TMEM131: variants seen among roughly 807,000 people sequenced by gnomAD.
TMEM131 encodes 2610524E03Rik.
A neutral mutation model predicts 211.6 loss-of-function variants in TMEM131; 66 were observed. The ratio of observed to expected loss-of-function variants is 0.31; its 90% CI spans 0.26 to 0.38. The LOEUF is 0.38. TMEM131 is among the 10% of genes least tolerant of loss of function. The pLI is 1.00. For synonymous variants in TMEM131, 844 were observed against 841.3 expected (o/e 1.00, Z -0.06); for missense variants, 2,036 against 2,299.3 (o/e 0.89, Z 2.34).
chr2:97,815,312 A>G lies in TMEM131; in HGVS notation c.1184-5T>C. Reference sequence around the variant, plus strand: ...ATGGCTTTTTTGCCTTCGATGCTGAAAGGAAGCATAAAAAATAATCTCTGT... The same window carrying G: ...ATGGCTTTTTTGCCTTCGATGCTGAGAGGAAGCATAAAAAATAATCTCTGT... On this transcript the variant is annotated splice_polypyrimidine_tract_variant and splice_region_variant and intron_variant, in intron 12 of 40. Coordinates refer to ENST00000186436, the MANE Select transcript of TMEM131 (RefSeq NM_015348.2). The G allele has an allele frequency of 6.5e-7, 1 of 1,528,048 alleles. No individual in the cohort carries two copies. Among genetic ancestry groups the G allele is most frequent in the South Asian group, 1.3e-5 (1 of 78,414 alleles). The allele number at this position is 1,528,048 out of a possible 1,614,324, so 94.7% of individuals were successfully genotyped here. A position where few individuals can be genotyped will look rare whatever the true frequency, so the allele number is the denominator to read the frequency against.
chr2:97,777,779 T>TGCCCCAGC (rs1173505155), intron 31 of TMEM131, among the ~76,000 whole-genome samples: 72 of 152,260 alleles, frequency 4.7e-4, no homozygotes, highest in African/African-American at 1.4e-3. Context: ...CGTGCCACTG[T>TGCCCCAGC]GCCCCAGCTT....
chr2:97,901,596 T>C (rs1278258360), intron 3 of TMEM131, among the ~76,000 whole-genome samples: 1 of 152,182 alleles, frequency 6.6e-6, no homozygotes, highest in Non-Finnish European at 1.5e-5. Flanking sequence ...GGAATATTAT[T>C]CAGCCATAAA....
chr2:97,960,329 A>G (rs1171138383), intron 1 of TMEM131, among the ~76,000 whole-genome samples: 1 of 152,158 alleles, frequency 6.6e-6, no homozygotes, highest in African/African-American at 2.4e-5. Context: ...TTCTTTGGTA[A>G]TGTCATTTTT....
At chr2:97,828,789 T>C (rs547326055) in intron 11 of TMEM131, among the ~76,000 whole-genome samples, 1 of 152,312 alleles carries the variant, frequency 6.6e-6, no homozygotes, top group East Asian at 1.9e-4. Context: ...TTCAAACTCT[T>C]TCAATGCCTT....
chr2:97,831,290 T>G (rs1167942143), intron 11 of TMEM131, among the ~76,000 whole-genome samples: 3 of 152,234 alleles, frequency 2.0e-5, no homozygotes, highest in African/African-American at 7.2e-5. Flanking sequence ...GAATAAAATC[T>G]AAATATCTCC....
At chr2:97,984,597 T>G (rs568431317) in intron 1 of TMEM131, among the ~76,000 whole-genome samples, 2 of 152,002 alleles carry the variant, frequency 1.3e-5, no homozygotes, top group Non-Finnish European at 2.9e-5. Flanking sequence ...CAGGCTCATT[T>G]TAATACCAGG....
chr2:97,939,202 G>GAC (rs1328162893), intron 1 of TMEM131, among the ~76,000 whole-genome samples: 1 of 151,820 alleles, frequency 6.6e-6, no homozygotes, highest in Non-Finnish European at 1.5e-5. Flanking sequence ...AGGAGATACA[G>GAC]ACAAAAAAAA....
intron 1 of TMEM131, among the ~76,000 whole-genome samples, chr2:97,992,507 A>G (rs6721467): frequency 0.35 from 53,002 of 152,044 alleles, 10,047 homozygotes; most frequent in Middle Eastern, 0.49. Flanking sequence ...AATTGTCATA[A>G]ATTGAAACAT....
intron 3 of TMEM131, among the ~76,000 whole-genome samples, chr2:97,903,862 C>T (rs1450103853): frequency 1.3e-5 from 2 of 151,950 alleles, no homozygotes; most frequent in African/African-American, 2.4e-5. Context: ...GGGGTTTCAC[C>T]GTGTTGCCCA....
intron 28 of TMEM131, among the ~76,000 whole-genome samples, chr2:97,795,604 T>G (rs1680723590): frequency 6.6e-6 from 1 of 152,206 alleles, no homozygotes; most frequent in Non-Finnish European, 1.5e-5. Context: ...TCATTGCATC[T>G]TTAGGTGTCA....
intron 40 of TMEM131, among the ~76,000 whole-genome samples, 175 bp from the exon 41 acceptor site, chr2:97,757,558 CAG>C (rs1678563142): frequency 6.6e-6 from 1 of 152,142 alleles, no homozygotes; most frequent in Admixed American, 6.5e-5. Context: ...TTTTTTGAGA[CAG>C]GGTCTTGCTC....
At chr2:97,956,848 C>T (rs1353843260) in intron 1 of TMEM131, among the ~76,000 whole-genome samples, 1 of 151,948 alleles carries the variant, frequency 6.6e-6, no homozygotes, top group African/African-American at 2.4e-5. Context: ...GCTGTAATCC[C>T]AGCAGTTTGG....
intron 11 of TMEM131, among the ~76,000 whole-genome samples, chr2:97,831,730 C>T (rs561275714): frequency 3.1e-5 from 4 of 127,670 alleles, no homozygotes; most frequent in East Asian, 2.3e-4. Flanking sequence ...AGCACAGCGG[C>T]GTGATCTTGG....
chr2:97,967,092 T>G (rs570242325), intron 1 of TMEM131, among the ~76,000 whole-genome samples: 2 of 152,162 alleles, frequency 1.3e-5, no homozygotes. Context: ...ATGGAACTTA[T>G]GGAGTATTGT....
intron 1 of TMEM131, among the ~76,000 whole-genome samples, chr2:97,955,813 T>C (rs1296213794): frequency 2.0e-5 from 3 of 152,076 alleles, no homozygotes; most frequent in Non-Finnish European, 4.4e-5. Context: ...AGGATCTATA[T>C]ACTAAAAAAT....
intron 1 of TMEM131, among the ~76,000 whole-genome samples, chr2:97,985,524 G>A (rs945376584): frequency 1.3e-5 from 2 of 151,976 alleles, no homozygotes; most frequent in Non-Finnish European, 2.9e-5. Context: ...AGGATTCATA[G>A]GGAATAAAAA....
chr2:97,959,334 G>C (rs1189616827), intron 1 of TMEM131, among the ~76,000 whole-genome samples: 1 of 152,142 alleles, frequency 6.6e-6, no homozygotes, highest in African/African-American at 2.4e-5. Flanking sequence ...GGGAAGAGCT[G>C]GACAGGTTTG....
At chr2:97,890,049 G>A (rs555197719) in intron 3 of TMEM131, among the ~76,000 whole-genome samples, 45 of 152,312 alleles carry the variant, frequency 3.0e-4, no homozygotes, top group African/African-American at 7.9e-4. Context: ...TGTATTTGGC[G>A]AGTTGAACAA....
intron 1 of TMEM131, among the ~76,000 whole-genome samples, chr2:97,963,769 T>TTTG (rs1163273763): frequency 3.3e-5 from 5 of 152,188 alleles, no homozygotes; most frequent in African/African-American, 1.2e-4. Context: ...ATAATTTCCC[T>TTTG]TTGTTGTTGT....
Sources: allele counts gnomAD v4.1 joint callset (sites outside exome capture counted in the v4.1 genomes callset), GRCh38; gene constraint gnomAD v4.1.1; transcripts MANE v1.5; gene names NCBI Gene and HGNC (gene_info 2026-07-23, HGNC 2026-07-21).